Variants in LAMA1 observed in about 807,000 individuals in gnomAD.
LAMA1 encodes laminin subunit alpha 1.
LAMA1 carries 219 observed loss-of-function variants against 348.7 expected under a neutral mutation model. The ratio of observed to expected loss-of-function variants is 0.63; its 90% CI spans 0.56 to 0.70. The LOEUF (loss-of-function observed/expected upper bound fraction) is 0.70, where lower values mean the gene tolerates loss of function less well. LAMA1 is among the 30% of genes least tolerant of loss of function. The pLI, the probability that LAMA1 is intolerant of heterozygous loss-of-function variation, is 0.00. For missense variants in LAMA1, 3,744 were observed against 3,888.0 expected (o/e 0.96, Z 0.99); for synonymous variants, 1,487 against 1,491.0 (o/e 1.00, Z 0.06).
At chr18:7,035,774 C>T (rs926093540) in intron 13 of LAMA1, among the ~76,000 whole-genome samples, 1 of 152,016 alleles carries the variant, frequency 6.6e-6, no homozygotes, top group Non-Finnish European at 1.5e-5. Context: ...AGAAGAGTGG[C>T]GGGTGCTGTC....
chr18:7,032,075 G>A lies in LAMA1; in HGVS notation c.2265C>T (p.Gly755=), dbSNP rs148714534. ...HGHAAECNVH[G]VCIACAHNTT... ...ACAGTGAGAGACTCACAATGCAAAC[G>A]CCGTGAACATTACACTCAGCTGCAT... The change falls in exon 16 of 63, where the codon GGC becomes GGT. Residue 755 remains glycine, a synonymous_variant. Transcript: ENST00000389658. 9.3e-6 allele frequency: 15 copies of A among 1,613,636 alleles called. No individual in the cohort carries two copies. The African/African-American group carries it at 1.5e-4, about 16-fold the overall frequency.
In LAMA1 at chr18:6,948,518, C is replaced by T. The variant is rs571905613; in HGVS notation, c.8595G>A (p.Thr2865=). ...CCTTGTCCAGCTGTTTGCTGTTAAC[C>T]GTCACATCCCCAATGCAGGCAGGGA... ...HSIPACIGDV[T]VNSKQLDKDS... is the part of the protein sequence containing the mutation. Residue 2865 remains threonine, a synonymous_variant, in exon 60 of 63, where the codon ACG becomes ACA. Coordinates refer to ENST00000389658, the MANE Select transcript of LAMA1 (RefSeq NM_005559.4). The T allele has an allele frequency of 4.3e-5, 70 of 1,614,180 alleles. No individual in the cohort carries two copies. In the South Asian group the frequency reaches 5.8e-4, roughly 13 times the overall value.
chr18:7,089,961 T>C (rs1268855009), intron 1 of LAMA1, among the ~76,000 whole-genome samples: 1 of 152,146 alleles, frequency 6.6e-6, no homozygotes, highest in Admixed American at 6.5e-5. Context: ...AAAGTAGGTG[T>C]GTTTTAAAAT....
intron 19 of LAMA1, among the ~76,000 whole-genome samples, chr18:7,019,839 G>A (rs1253265670): frequency 2.6e-5 from 4 of 151,512 alleles, no homozygotes; most frequent in Admixed American, 6.6e-5. Context: ...TCACCACCAC[G>A]CCCAGCTAAT....
At position 7,014,025 on chromosome 18, in the gene LAMA1, C is replaced by A. The variant is rs200733364; in HGVS notation, c.3153G>T (p.Ser1051=). Residue 1051 remains serine, a synonymous_variant, in exon 23 of 63, where the codon TCG becomes TCT. Transcript: ENST00000389658. Reference sequence around the variant, plus strand: ...TGACCACATCGCACCGATGATGAGTCGACCCCACGAGACTGCAATTGCAGG... The same window carrying A: ...TGACCACATCGCACCGATGATGAGTAGACCCCACGAGACTGCAATTGCAGG... ...CQACNCSLVG[S]THHRCDVVTG... The A allele has an allele frequency of 1.2e-6, 2 of 1,613,844 alleles. No individual in the cohort carries two copies. The highest frequency in any genetic ancestry group is 1.1e-5 in the South Asian group (1 of 90,960).
Position 7,023,224 on chromosome 18 carries a change from G to GGT in LAMA1, c.2640_2641insAC (p.His881ThrfsTer15). ...AACCCGTCAGCACACCTTTCACAGT[G>GGT]GGCGCCATCTGTGTTCCCCAGGCAC... On this transcript the variant is annotated frameshift_variant, in exon 19 of 63. Transcript: ENST00000389658. LOFTEE classifies it high-confidence loss of function. The GGT allele has an allele frequency of 6.2e-7, 1 of 1,613,742 alleles. No homozygotes were observed. Among genetic ancestry groups the GGT allele is most frequent in the Non-Finnish European group, 8.5e-7 (1 of 1,179,988 alleles).
chr18:7,071,493 A>G (rs1221057790), intron 3 of LAMA1, among the ~76,000 whole-genome samples: 3 of 152,244 alleles, frequency 2.0e-5, no homozygotes, highest in Non-Finnish European at 4.4e-5. Flanking sequence ...TCATTGGTAT[A>G]CATACGAAAT....
At chr18:7,035,861 G>A (rs2057992016) in intron 13 of LAMA1, 126 bp downstream of exon 13, 1 of 747,886 alleles carries the variant, frequency 1.3e-6, no homozygotes. Context: ...CAAGTCCAGG[G>A]TCTACTGAAT....
intron 4 of LAMA1, among the ~76,000 whole-genome samples, 196 bp from the exon 5 acceptor site, chr18:7,049,453 C>A (rs761119487): frequency 5.3e-5 from 8 of 152,116 alleles, no homozygotes; most frequent in Non-Finnish European, 1.2e-4. Context: ...GTGTGCACCA[C>A]CACGCCCAGC....
intron 61 of LAMA1, among the ~76,000 whole-genome samples, chr18:6,945,990 CTG>C (rs2143964576): frequency 6.6e-6 from 1 of 152,050 alleles, no homozygotes; most frequent in East Asian, 2.0e-4. Flanking sequence ...CTGGGAGAAA[CTG>C]TGAAGGAGGC....
chr18:7,093,924 TG>T (rs1478590367), intron 1 of LAMA1, among the ~76,000 whole-genome samples: 2 of 151,918 alleles, frequency 1.3e-5, no homozygotes, highest in South Asian at 4.2e-4. Context: ...TACAGGTGTG[TG>T]CCACCATGCC....
At chr18:7,037,022 C>T (rs1043920391) in intron 12 of LAMA1, among the ~76,000 whole-genome samples, 1 of 152,178 alleles carries the variant, frequency 6.6e-6, no homozygotes, top group Non-Finnish European at 1.5e-5. Flanking sequence ...TACAAACCAA[C>T]CTCCACATTG....
intron 15 of LAMA1, 70 bp downstream of exon 15, chr18:7,032,914 T>A: frequency 1.8e-6 from 2 of 1,132,566 alleles, no homozygotes; most frequent in South Asian, 2.6e-5. Context: ...TGCCATGACA[T>A]CCCCTTCAGT....
chr18:6,943,402 C>A lies in LAMA1; in HGVS notation c.8845G>T (p.Val2949Phe), dbSNP rs1309927736. 1 of 1,613,718 alleles carries A rather than the reference C, an allele frequency of 6.2e-7. No individual in the cohort carries two copies. The highest frequency in any genetic ancestry group is 8.5e-7 in the Non-Finnish European group (1 of 1,179,772). The change falls in exon 62 of 63, where the codon GTC (valine) becomes TTC (phenylalanine). Residue 2949 changes from valine (V) to phenylalanine (F), a missense_variant and splice_region_variant. Transcript: ENST00000389658. Reference protein sequence around the residue: ...AIGLELVDGKVLFHVNNGAGR... With the variant: ...AIGLELVDGKFLFHVNNGAGR... ...GCACCATTGTTGACATGGAACAAGACCTAAAAGCAAATATCTTGGTGAGTT... is the reference window on the plus strand; with the variant it reads ...GCACCATTGTTGACATGGAACAAGAACTAAAAGCAAATATCTTGGTGAGTT...
chr18:6,999,895 C>A lies in LAMA1; in HGVS notation c.4469+16G>T. 6.2e-7 allele frequency: 1 copy of A among 1,606,590 alleles called. No individual in the cohort carries two copies. Among genetic ancestry groups the A allele is most frequent in the Non-Finnish European group, 8.5e-7 (1 of 1,173,096 alleles). ...AGAGTGCCCAGGGATTTCCACATGA[C>A]AATCCACCCATGTACCTTTCACAGT... On this transcript the variant is annotated intron_variant, in intron 31 of 62. Coordinates refer to ENST00000389658, the MANE Select transcript of LAMA1 (RefSeq NM_005559.4).
At chr18:6,946,927 A>G (rs1187727652) in intron 61 of LAMA1, among the ~76,000 whole-genome samples, 1 of 152,190 alleles carries the variant, frequency 6.6e-6, no homozygotes, top group Non-Finnish European at 1.5e-5. Context: ...TCTTTGTATT[A>G]TAGTTGTAAT....
chr18:7,034,488 G>C lies in LAMA1; in HGVS notation c.2042C>G (p.Ala681Gly). The C allele has an allele frequency of 6.2e-7, 1 of 1,613,842 alleles. No individual in the cohort carries two copies. The highest frequency in any genetic ancestry group is 8.5e-7 in the Non-Finnish European group (1 of 1,179,792). ...IRANYNSAKM[A>G]LYRLESVSLD... ...CATTTTCAATACATACCTGTAAAGA[G>C]CCATTTTTGCAGAATTGTAGTTGGC... The change falls in exon 14 of 63, where the codon GCT (alanine) becomes GGT (glycine). Residue 681 changes from alanine to glycine, a missense_variant. By Grantham distance (60) the Ala-to-Gly change is moderately conservative. Coordinates refer to ENST00000389658, the MANE Select transcript of LAMA1 (RefSeq NM_005559.4).
At chr18:7,093,192 G>A (rs1014961907) in intron 1 of LAMA1, among the ~76,000 whole-genome samples, 5 of 152,068 alleles carry the variant, frequency 3.3e-5, no homozygotes, top group African/African-American at 9.7e-5. Flanking sequence ...CGAGGCGGGC[G>A]GATCACGAGG....
intron 1 of LAMA1, 60 bp from the exon 2 acceptor site, chr18:7,080,517 C>T (rs1302172912): frequency 6.4e-7 from 1 of 1,559,152 alleles, no homozygotes; most frequent in Admixed American, 1.8e-5. Context: ...ATGAGCTTAC[C>T]CCATCCCACT....
Sources: gnomAD v4.1 joint callset for allele counts (sites outside exome capture counted in the v4.1 genomes callset) on GRCh38, gnomAD v4.1.1 for gene constraint, MANE v1.5 for transcripts, NCBI Gene and HGNC (gene_info 2026-07-23, HGNC 2026-07-21) for gene names.